Variants in SAMD4B observed in about 807,000 individuals in gnomAD.
SAMD4B encodes the protein protein Smaug homolog 2.
In SAMD4B, 5 loss-of-function variants were observed where a neutral mutation model predicts 74.5. The ratio of observed to expected loss-of-function variants is 0.07; its 90% CI spans 0.04 to 0.14. The LOEUF is 0.14. SAMD4B is among the 10% of genes least tolerant of loss of function. The pLI, the probability that SAMD4B is intolerant of heterozygous loss-of-function variation, is 1.00. For missense variants in SAMD4B, 608 were observed against 921.8 expected (o/e 0.66, Z 4.41); for synonymous variants, 373 against 374.9 (o/e 1.00, Z 0.06).
At chr19:39,346,825 C>T (rs963450352) in intron 1 of SAMD4B, among the ~76,000 whole-genome samples, 4 of 152,040 alleles carry the variant, frequency 2.6e-5, no homozygotes, top group Admixed American at 1.3e-4. Flanking sequence ...TACCCTAGGA[C>T]GAGTTACTTC....
intron 2 of SAMD4B, among the ~76,000 whole-genome samples, chr19:39,355,134 A>G (rs1398882814): frequency 6.6e-6 from 1 of 152,102 alleles, no homozygotes; most frequent in African/African-American, 2.4e-5. Flanking sequence ...TAGCCTCCCA[A>G]AGTGCTGGGA....
At chr19:39,365,797 T>C (rs1054395127) in intron 3 of SAMD4B, among the ~76,000 whole-genome samples, 4 of 152,258 alleles carry the variant, frequency 2.6e-5, no homozygotes, top group Admixed American at 2.6e-4. Flanking sequence ...CCATATGTTA[T>C]TGCTATTGTC....
At chr19:39,381,708 C>T (rs1452693712) in intron 12 of SAMD4B, among the ~76,000 whole-genome samples, 1 of 152,180 alleles carries the variant, frequency 6.6e-6, no homozygotes, top group African/African-American at 2.4e-5. Context: ...TTTTGGGAAG[C>T]TGAGGCAAGT....
At chr19:39,357,471 C>G (rs1457271982) in intron 3 of SAMD4B, among the ~76,000 whole-genome samples, 2 of 152,198 alleles carry the variant, frequency 1.3e-5, no homozygotes, top group African/African-American at 4.8e-5. Context: ...TTTGAGAACT[C>G]TTCCAAAATT....
intron 1 of SAMD4B, among the ~76,000 whole-genome samples, chr19:39,345,062 T>G (rs182044658): frequency 2.3e-4 from 35 of 152,338 alleles, no homozygotes; most frequent in Non-Finnish European, 2.4e-4. Context: ...TCAGATCTAC[T>G]GAAACTGAAA....
Position 39,383,651 on chromosome 19 carries a change from A to G in SAMD4B, c.*124A>G, listed in dbSNP as rs1568369218. The G allele has an allele frequency of 2.5e-6, 4 of 1,595,612 alleles. No individual in the cohort carries two copies. Among genetic ancestry groups the G allele is most frequent in the Non-Finnish European group, 3.4e-6 (4 of 1,172,852 alleles). ...CAGCTATATATTCTAATATTTTTCT[A>G]CTCTCTTACCCTCTTAACTTTTGTT... On this transcript the variant is annotated 3_prime_UTR_variant, in exon 14 of 14. Coordinates refer to ENST00000610417, the MANE Select transcript of SAMD4B (RefSeq NM_001384574.2). The surrounding 1 kb of genome is among the most constrained non-coding windows in gnomAD (Gnocchi z 4.1).
At chr19:39,387,281 G>T (rs528358149), downstream of SAMD4B, 2 of 337,978 alleles carry the variant, frequency 5.9e-6, no homozygotes, top group South Asian at 4.9e-5. Flanking sequence ...ACATAGAAAA[G>T]GTATAGTAAA....
chr19:39,357,155 T>C, intron 3 of SAMD4B, 66 bp downstream of exon 3: 2 of 1,416,966 alleles, frequency 1.4e-6, no homozygotes, highest in Middle Eastern at 1.8e-4. Context: ...GTCACATGGC[T>C]AAGAAGGTCA....
Position 39,378,606 on chromosome 19 carries a change from C to T in SAMD4B, c.1530+17C>T. The stretch of plus-strand genomic sequence containing the variant: ...ACTCATGAGGTAAGGCCTTCCCTAG[C>T]ATACTCAAAAAGGGAAAGGCGGCCA... On this transcript the variant is annotated intron_variant, in intron 9 of 13. Transcript: ENST00000610417. This position sits in a 1 kb window ranked among gnomAD's most constrained non-coding sequence, Gnocchi z 4.4. 6.2e-7 allele frequency: 1 copy of T among 1,610,236 alleles called. No individual in the cohort carries two copies. Among genetic ancestry groups the T allele is most frequent in the Non-Finnish European group, 8.5e-7 (1 of 1,176,658 alleles).
intron 1 of SAMD4B, among the ~76,000 whole-genome samples, chr19:39,345,851 C>G (rs1372631016): frequency 6.6e-6 from 1 of 152,168 alleles, no homozygotes; most frequent in Non-Finnish European, 1.5e-5. Flanking sequence ...TTCCCTGCCC[C>G]CTCCTCTCCT....
At chr19:39,387,212 G>T, downstream of SAMD4B, 1 of 434,832 alleles carries the variant, frequency 2.3e-6, no homozygotes, top group South Asian at 1.7e-5. Context: ...TGTACAGCAT[G>T]TGACTGTACT....
rs1339162033 is a variant in SAMD4B at position 39,380,666 on chromosome 19, C to T, written c.1729C>T (p.Pro577Ser). 5 of 1,613,940 alleles carry T rather than the reference C, an allele frequency of 3.1e-6. No individual in the cohort carries two copies. Among genetic ancestry groups the T allele is most frequent in the Non-Finnish European group, 4.2e-6 (5 of 1,180,006 alleles). Residue 577 changes from proline (P) to serine (S), a missense_variant, in exon 11 of 14, where the codon CCA (proline) becomes TCA (serine). Around this residue, in one of 9 missense-constraint regions of SAMD4B, gnomAD observed 167 missense variants for 193.0 expected, o/e 0.87. Transcript: ENST00000610417. The stretch of plus-strand genomic sequence containing the variant: ...GGCCCGGCGTACCCAGCGGCAGTTC[C>T]CAATGCCTCCCCGGGCCCTCCCACC... ...GVARRTQRQF[P>S]MPPRALPPGR... is the part of the protein sequence containing the mutation.
intron 4 of SAMD4B, among the ~76,000 whole-genome samples, chr19:39,371,586 G>T (rs1464742414): frequency 6.6e-6 from 1 of 152,172 alleles, no homozygotes; most frequent in Admixed American, 6.5e-5. Flanking sequence ...GGAGGCCGAG[G>T]CAGGCAGATC....
rs900363650 is a variant in SAMD4B at position 39,383,060 on chromosome 19, C to G, written c.1973-148C>G. Reference sequence around the variant, plus strand: ...TCTGCCTGTTGTGTGACACGCTCGCCTCTCTCCCTGTCCACCTCCTCCCGT... The same window carrying G: ...TCTGCCTGTTGTGTGACACGCTCGCGTCTCTCCCTGTCCACCTCCTCCCGT... On this transcript the variant is annotated intron_variant, in intron 12 of 13. Coordinates refer to ENST00000610417, the MANE Select transcript of SAMD4B (RefSeq NM_001384574.2). The surrounding 1 kb of genome is among the most constrained non-coding windows in gnomAD (Gnocchi z 4.1). 2.8e-6 allele frequency: 2 copies of G among 703,210 alleles called. No homozygotes were observed. The highest frequency in any genetic ancestry group is 5.2e-6 in the Non-Finnish European group (2 of 382,612). The allele number at this position is 703,210 out of a possible 1,614,324, so 43.6% of individuals were successfully genotyped here. A position where few individuals can be genotyped will look rare whatever the true frequency, so the allele number is the denominator to read the frequency against.
chr19:39,356,108 G>T (rs1166094938), intron 2 of SAMD4B, among the ~76,000 whole-genome samples: 1 of 149,708 alleles, frequency 6.7e-6, no homozygotes, highest in Non-Finnish European at 1.5e-5. Flanking sequence ...TTACTAATCA[G>T]ATGGCTGGCT....
intron 2 of SAMD4B, among the ~76,000 whole-genome samples, chr19:39,356,383 T>A (rs2076343525): frequency 6.6e-6 from 1 of 152,078 alleles, no homozygotes; most frequent in African/African-American, 2.4e-5. Context: ...TCTGAAAAAT[T>A]TTTCCAATAT....
chr19:39,363,683 G>C (rs969598808), intron 3 of SAMD4B, among the ~76,000 whole-genome samples: 4 of 152,216 alleles, frequency 2.6e-5, no homozygotes, highest in African/African-American at 9.6e-5. Flanking sequence ...AGAGGTTAAA[G>C]GACTGGCCCA....
chr19:39,355,290 G>T (rs1476296131), intron 2 of SAMD4B, among the ~76,000 whole-genome samples: 2 of 152,156 alleles, frequency 1.3e-5, no homozygotes, highest in African/African-American at 2.4e-5. Flanking sequence ...TTGGAGCAAG[G>T]TTTCATTTTC....
At chr19:39,363,255 C>G (rs1446012711) in intron 3 of SAMD4B, among the ~76,000 whole-genome samples, 1 of 152,168 alleles carries the variant, frequency 6.6e-6, no homozygotes, top group Admixed American at 6.5e-5. Context: ...TCAACCTCTC[C>G]ATGTTTGCAG....
Sources: gnomAD v4.1 joint callset for allele counts (sites outside exome capture counted in the v4.1 genomes callset) on GRCh38, gnomAD v4.1.1 for gene constraint, gnomAD v4.1.1 regional missense constraint, Gnocchi (gnomAD v3.1) non-coding constraint, MANE v1.5 for transcripts, NCBI Gene and HGNC (gene_info 2026-07-23, HGNC 2026-07-21) for gene names.